YOD1: variants seen among roughly 807,000 people sequenced by gnomAD.
YOD1 encodes YOD1 deubiquitinase.
In YOD1, 17 loss-of-function variants were observed where a neutral mutation model predicts 23.7. The ratio of observed to expected loss-of-function variants is 0.72; its 90% CI spans 0.49 to 1.07. The LOEUF (loss-of-function observed/expected upper bound fraction) is 1.07, where lower values mean the gene tolerates loss of function less well. Among genes scored for constraint, YOD1 ranks in the 50% least tolerant of loss-of-function variants. The pLI is 0.00. For synonymous variants in YOD1, 191 were observed against 169.6 expected, an observed-to-expected ratio of 1.13 and a Z score of -0.98; for missense variants, 413 against 447.2, an observed-to-expected ratio of 0.92 and a Z score of 0.69.
rs1682609446 is a variant in YOD1 at position 207,046,825 on chromosome 1, T to C, written c.*2195A>G. The C allele has an allele frequency of 6.6e-6, 1 of 152,176 alleles. No individual in the cohort carries two copies. The highest frequency in any genetic ancestry group is 2.4e-5 in the African/African-American group (1 of 41,562). The allele number at this position is 152,176 out of a possible 1,614,324, so 9.4% of individuals were successfully genotyped here. A position where few individuals can be genotyped will look rare whatever the true frequency, so the allele number is the denominator to read the frequency against. ...AGTGACAGAAACTTATGTTGGAACA[T>C]ATCAAAACATATGACAGAAACATAT... On this transcript the variant is annotated 3_prime_UTR_variant, in exon 2 of 2. Transcript: ENST00000315927.
chr1:207,050,784 C>T lies in YOD1; in HGVS notation c.247G>A (p.Ala83Thr), dbSNP rs1682724646. Residue 83 changes from alanine (A) to threonine (T), a missense_variant, in exon 1 of 2, where the codon GCC becomes ACC. Physicochemically the swap from Ala to Thr is moderately conservative, Grantham distance 58. Transcript: ENST00000315927. Reference protein sequence around the residue: ...QGQIAAITGIAPGGQRILVGY... With the variant: ...QGQIAAITGITPGGQRILVGY... ...ACGAGGATTCGCTGACCGCCGGGGGCGATCCCGGTGATGGCGGCAATTTGG... is the reference window on the plus strand; with the variant it reads ...ACGAGGATTCGCTGACCGCCGGGGGTGATCCCGGTGATGGCGGCAATTTGG... 6.2e-7 allele frequency: 1 copy of T among 1,613,262 alleles called. No homozygotes were observed. The highest frequency in any genetic ancestry group is 1.3e-5 in the African/African-American group (1 of 74,920).
Position 207,050,958 on chromosome 1 carries a change from GT to G in YOD1, c.72del (p.Gln24HisfsTer95). Reference sequence around the variant, plus strand: ...GGGCCAGCTTTGGTCCCGGCAGCCTGTTGGGAGACGCCGCCGGGGAAACCAG... The same window carrying G: ...GGGCCAGCTTTGGTCCCGGCAGCCTGTGGGAGACGCCGCCGGGGAAACCAG... Reference protein sequence around the residue: ...PAPGFPGGVSQQAAGTKAGPA... With the variant: ...PAPGFPGGVSXQAAGTKAGPA... On this transcript the variant is annotated frameshift_variant, in exon 1 of 2. Coordinates refer to ENST00000315927, the MANE Select transcript of YOD1 (RefSeq NM_018566.4). LOFTEE classifies it high-confidence loss of function. 6.4e-7 allele frequency: 1 copy of G among 1,559,418 alleles called. No individual in the cohort carries two copies. The highest frequency in any genetic ancestry group is 8.7e-7 in the Non-Finnish European group (1 of 1,149,848).
rs1232327811 is a variant in YOD1 at position 207,049,682 on chromosome 1, T to C, written c.385A>G (p.Ser129Gly). The change falls in exon 2 of 2, where the codon AGT (serine) becomes GGT (glycine). Residue 129 changes from serine to glycine, a missense_variant. Ser to Gly is a moderately conservative substitution (Grantham distance 56). Transcript: ENST00000315927. The stretch of plus-strand genomic sequence containing the variant: ...CCACGTTTAGTAAATGCAGGTGAAC[T>C]TCTGGGCCTGGTTTGGTCTTCTTCA... ...IIEEDQTRPR[S>G]SPAFTKRGAS... The C allele has an allele frequency of 6.2e-7, 1 of 1,614,036 alleles. No homozygotes were observed. The highest frequency in any genetic ancestry group is 1.3e-5 in the African/African-American group (1 of 74,924).
chr1:207,050,653 C>A (rs775366058), intron 1 of YOD1, 35 bp downstream of exon 1: 1 of 1,609,088 alleles, frequency 6.2e-7, no homozygotes, highest in Non-Finnish European at 8.5e-7. Context: ...TCCATCCTCC[C>A]GGGACTTTCC....
At position 207,051,134 on chromosome 1, in the gene YOD1, C is replaced by T. The variant is rs1682741893; in HGVS notation, c.-104G>A. ...TCTTTTAAAGTGACAACTGATTTTT[C>T]CCCCACCCTCAGAACGAAGATGTAA... On this transcript the variant is annotated 5_prime_UTR_variant, in exon 1 of 2. Coordinates refer to ENST00000315927, the MANE Select transcript of YOD1 (RefSeq NM_018566.4). The T allele has an allele frequency of 1.4e-6, 2 of 1,420,650 alleles. No homozygotes were observed. The highest frequency in any genetic ancestry group is 1.8e-6 in the Non-Finnish European group (2 of 1,092,776). 88.0% of individuals were successfully genotyped at this position (1,420,650 alleles called of 1,614,324 possible). A position where few individuals can be genotyped will look rare whatever the true frequency, so the allele number is the denominator to read the frequency against.
chr1:207,050,459 G>A (rs1189005951), intron 1 of YOD1, among the ~76,000 whole-genome samples: 1 of 152,172 alleles, frequency 6.6e-6, no homozygotes, highest in African/African-American at 2.4e-5. Flanking sequence ...ATGGGGAAGG[G>A]GGTCTTCAAG....
Position 207,048,828 on chromosome 1 carries a change from T to C in YOD1, c.*192A>G, listed in dbSNP as rs184740839. 6.7e-6 allele frequency: 4 copies of C among 600,202 alleles called. No homozygotes were observed. Among genetic ancestry groups the C allele is most frequent in the Admixed American group, 3.1e-5 (1 of 32,752 alleles). 37.2% of individuals were successfully genotyped at this position (600,202 alleles called of 1,614,324 possible). A position where few individuals can be genotyped will look rare whatever the true frequency, so the allele number is the denominator to read the frequency against. On this transcript the variant is annotated 3_prime_UTR_variant, in exon 2 of 2. Coordinates refer to ENST00000315927, the MANE Select transcript of YOD1 (RefSeq NM_018566.4). ...GGCATGTATGTACAGTTTACCACTG[T>C]AGACACACATCTGTAAACTTGCACA... is the stretch of plus-strand genomic sequence containing the variant.
chr1:207,050,790 C>T lies in YOD1; in HGVS notation c.241G>A (p.Gly81Arg). The T allele has an allele frequency of 1.2e-6, 2 of 1,613,426 alleles. No homozygotes were observed. The highest frequency in any genetic ancestry group is 1.7e-6 in the Non-Finnish European group (2 of 1,180,024). Residue 81 changes from glycine (G) to arginine (R), a missense_variant, in exon 1 of 2, where the codon GGG becomes AGG. Coordinates refer to ENST00000315927, the MANE Select transcript of YOD1 (RefSeq NM_018566.4). ...ATTCGCTGACCGCCGGGGGCGATCC[C>T]GGTGATGGCGGCAATTTGGCCCTGG... is the stretch of plus-strand genomic sequence containing the variant. Reference protein sequence around the residue: ...ELQGQIAAITGIAPGGQRILV... With the variant: ...ELQGQIAAITRIAPGGQRILV...
chr1:207,050,976 G>A lies in YOD1; in HGVS notation c.55C>T (p.Pro19Ser), dbSNP rs549752987. The A allele has an allele frequency of 2.1e-5, 33 of 1,541,828 alleles. No individual in the cohort carries two copies. In the East Asian group the frequency reaches 5.8e-4, roughly 27 times the overall value. ...HFGVHPAPGF[P>S]GGVSQQAAGT... ...GCAGCCTGTTGGGAGACGCCGCCGG[G>A]GAAACCAGGCGCCGGGTGGACTCCA... The change falls in exon 1 of 2, where the codon CCC becomes TCC. Residue 19 changes from proline (P) to serine (S), a missense_variant. Transcript: ENST00000315927.
Position 207,050,743 on chromosome 1 carries a change from C to T in YOD1, c.288G>A (p.Glu96=). The T allele has an allele frequency of 6.2e-7, 1 of 1,613,378 alleles. No individual in the cohort carries two copies. Among genetic ancestry groups the T allele is most frequent in the African/African-American group, 1.3e-5 (1 of 75,062 alleles). ...TATCCCCATTGCTGAGATCCAGGCA[C>T]TCGGGAGGGTATCCGACGAGGATTC... ...GQRILVGYPP[E]CLDLSNGDTI... Residue 96 remains glutamate, a synonymous_variant, in exon 1 of 2, where the codon GAG becomes GAA. Transcript: ENST00000315927.
Position 207,049,407 on chromosome 1 carries a change from T to A in YOD1, c.660A>T (p.Gly220=), listed in dbSNP as rs560976003. ...CDWIKRDDTW[G]GAIEISILSK... The stretch of plus-strand genomic sequence containing the variant: ...ACAAAATCGATATCTCTATTGCTCC[T>A]CCCCAAGTGTCATCCCTTTTGATCC... The change falls in exon 2 of 2, where the codon GGA becomes GGT. Residue 220 remains glycine (G), a synonymous_variant. Coordinates refer to ENST00000315927, the MANE Select transcript of YOD1 (RefSeq NM_018566.4). 4 of 1,614,198 alleles carry A rather than the reference T, an allele frequency of 2.5e-6. No individual in the cohort carries two copies. In the South Asian group the frequency reaches 4.4e-5, roughly 18 times the overall value.
At position 207,049,029 on chromosome 1, in the gene YOD1, T is replaced by A. The variant is rs767930885; in HGVS notation, c.1038A>T (p.Gly346=). ...CTCATTCATGCATAGGTCACACTTC[T>A]CCAAAGTTGGTATGGCCTGTCTCCT... is the stretch of plus-strand genomic sequence containing the variant. ...HAKETGHTNF[G]EV is the part of the protein sequence containing the mutation. The change falls in exon 2 of 2, where the codon GGA becomes GGT. Residue 346 remains glycine (G), a synonymous_variant. Coordinates refer to ENST00000315927, the MANE Select transcript of YOD1 (RefSeq NM_018566.4). 6.2e-7 allele frequency: 1 copy of A among 1,613,342 alleles called. No homozygotes were observed. Among genetic ancestry groups the A allele is most frequent in the Non-Finnish European group, 8.5e-7 (1 of 1,179,590 alleles).
rs1161497777 is a variant in YOD1 at position 207,049,245 on chromosome 1, G to C, written c.822C>G (p.Asn274Lys). 1 of 1,614,020 alleles carries C rather than the reference G, an allele frequency of 6.2e-7. No homozygotes were observed. Among genetic ancestry groups the C allele is most frequent in the African/African-American group, 1.3e-5 (1 of 74,912 alleles). ...DGIHYDPLQR[N>K]FPDPDTPPLT... The stretch of plus-strand genomic sequence containing the variant: ...GAGGAGGTGTATCTGGATCAGGGAA[G>C]TTACGCTGAAGTGGATCATAGTGGA... Residue 274 changes from asparagine to lysine, a missense_variant, in exon 2 of 2, where the codon AAC becomes AAG. Transcript: ENST00000315927.
chr1:207,052,874 A>G (rs1682791715), upstream of YOD1: 1 of 152,224 alleles, frequency 6.6e-6, no homozygotes. Context: ...GTTCCCATTT[A>G]TGGATCTAAT....
chr1:207,049,361 T>C lies in YOD1; in HGVS notation c.706A>G (p.Ile236Val). ...SILSKFYQCE[I>V]CVVDTQTVRI... Reference sequence around the variant, plus strand: ...ACTGTCTGTGTATCCACTACACATATTTCACATTGGTAAAACTTGGACAAA... The same window carrying C: ...ACTGTCTGTGTATCCACTACACATACTTCACATTGGTAAAACTTGGACAAA... Residue 236 changes from isoleucine (I) to valine (V), a missense_variant, in exon 2 of 2, where the codon ATA becomes GTA. By Grantham distance (29) the Ile-to-Val change is conservative (BLOSUM62 3). Transcript: ENST00000315927. 6 of 1,614,184 alleles carry C rather than the reference T, an allele frequency of 3.7e-6. No homozygotes were observed. Among genetic ancestry groups the C allele is most frequent in the Non-Finnish European group, 4.2e-6 (5 of 1,180,034 alleles).
At position 207,046,012 on chromosome 1, in the gene YOD1, C is replaced by T. The variant is rs758304344; in HGVS notation, c.*3008G>A. ...CACTAATGTCTTCACTTGGCTAACA[C>T]ATCACAAAATTTCCAGGTATGTTAA... On this transcript the variant is annotated 3_prime_UTR_variant, in exon 2 of 2. Transcript: ENST00000315927. The T allele has an allele frequency of 6.6e-6, 1 of 151,990 alleles. No homozygotes were observed. The highest frequency in any genetic ancestry group is 1.5e-5 in the Non-Finnish European group (1 of 67,914). 9.4% of individuals were successfully genotyped at this position (151,990 alleles called of 1,614,324 possible). A position where few individuals can be genotyped will look rare whatever the true frequency, so the allele number is the denominator to read the frequency against.
Position 207,050,615 on chromosome 1 carries a change from T to G in YOD1, c.343+73A>C, listed in dbSNP as rs1572711165. The G allele has an allele frequency of 1.8e-5, 28 of 1,588,988 alleles. No homozygotes were observed. The East Asian group carries it at 6.3e-4, about 36-fold the overall frequency. On this transcript the variant is annotated intron_variant, in intron 1 of 1. Transcript: ENST00000315927. Reference sequence around the variant, plus strand: ...CGACTCACAGCCACCTTGCCTTGACTGGTGTTTTGTTCTCTCTCACGCCCC... The same window carrying G: ...CGACTCACAGCCACCTTGCCTTGACGGGTGTTTTGTTCTCTCTCACGCCCC...
rs1558052458 is a variant in YOD1 at position 207,045,420 on chromosome 1, G to A, written c.*3600C>T. On this transcript the variant is annotated 3_prime_UTR_variant, in exon 2 of 2. Transcript: ENST00000315927. ...TACACTGATGGCAATCTTTGATTAA[G>A]AAGAGCTGATGGTTAGTAGCTCAAG... 6.6e-6 allele frequency: 1 copy of A among 152,478 alleles called. No individual in the cohort carries two copies. Among genetic ancestry groups the A allele is most frequent in the Non-Finnish European group, 1.5e-5 (1 of 67,918 alleles). 9.4% of individuals were successfully genotyped at this position (152,478 alleles called of 1,614,324 possible). A position where few individuals can be genotyped will look rare whatever the true frequency, so the allele number is the denominator to read the frequency against.
At chr1:207,052,171 T>C (rs1335114007), upstream of YOD1, 1 of 1,611,836 alleles carries the variant, frequency 6.2e-7, no homozygotes, top group Non-Finnish European at 8.5e-7. Flanking sequence ...GTAGTTCACT[T>C]GGTGCAAACT....
Sources: gnomAD v4.1 joint callset for allele counts (sites outside exome capture counted in the v4.1 genomes callset) on GRCh38, gnomAD v4.1.1 for gene constraint, MANE v1.5 for transcripts, NCBI Gene and HGNC (gene_info 2026-07-23, HGNC 2026-07-21) for gene names.